The following COX18 variants were observed in gnomAD, a reference collection of about 807,000 sequenced individuals.
The protein encoded by COX18 is cytochrome c oxidase assembly factor COX18, also known as cytochrome c oxidase assembly protein COX18, mitochondrial.
In COX18, 45 loss-of-function variants were observed where a neutral mutation model predicts 38.0. The observed-to-expected ratio is 1.18, with a 90% CI of 0.93 to 1.52. The LOEUF is 1.52. Among genes scored for constraint, COX18 ranks in the 40% most tolerant of loss-of-function variants. The probability of loss-of-function intolerance (pLI) is 0.00; values close to 1 mark genes in which losing one functional copy is unlikely to be tolerated. For synonymous variants in COX18, 177 were observed against 169.8 expected (o/e 1.04, Z -0.33); for missense variants, 462 against 423.8 (o/e 1.09, Z -0.79).
At chr4:73,064,120 A>G (rs1399801939) in intron 4 of COX18, among the ~76,000 whole-genome samples, 1 of 152,122 alleles carries the variant, frequency 6.6e-6, no homozygotes, top group Non-Finnish European at 1.5e-5. Flanking sequence ...CCCTGTCTCT[A>G]CTAAAAATAC....
In COX18 at chr4:73,056,069, G is replaced by T. The variant is rs955800255; in HGVS notation, c.*2045C>A. 9 of 152,028 alleles carry T rather than the reference G, an allele frequency of 5.9e-5. No individual in the cohort carries two copies. Among genetic ancestry groups the T allele is most frequent in the African/African-American group, 2.2e-4 (9 of 41,396 alleles). 9.4% of individuals were successfully genotyped at this position (152,028 alleles called of 1,614,324 possible). A position where few individuals can be genotyped will look rare whatever the true frequency, so the allele number is the denominator to read the frequency against. ...TAAAATTTAAGAGACATCAATCAAA[G>T]AAATGACTAATGAATTTCACTTTAG... On this transcript the variant is annotated 3_prime_UTR_variant, in exon 6 of 6. Transcript: ENST00000507544.
rs1719879744 is a variant in COX18 at position 73,056,147 on chromosome 4, A to C, written c.*1967T>G. ...TGGAATGATAGGGTTTCCCAGAATC[A>C]GGTCCATATTTTAACTAAATGAAAA... On this transcript the variant is annotated 3_prime_UTR_variant, in exon 6 of 6. Transcript: ENST00000507544. 6.6e-6 allele frequency: 1 copy of C among 152,214 alleles called. No individual in the cohort carries two copies. Among genetic ancestry groups the C allele is most frequent in the South Asian group, 2.1e-4 (1 of 4,820 alleles). The allele number at this position is 152,214 out of a possible 1,614,324, so 9.4% of individuals were successfully genotyped here. A position where few individuals can be genotyped will look rare whatever the true frequency, so the allele number is the denominator to read the frequency against.
At chr4:73,063,364 T>C (rs1037003130) in intron 4 of COX18, among the ~76,000 whole-genome samples, 4 of 152,282 alleles carry the variant, frequency 2.6e-5, no homozygotes, top group African/African-American at 4.8e-5. Flanking sequence ...ATAGTGTATG[T>C]TGAGTAAGAA....
intron 2 of COX18, among the ~76,000 whole-genome samples, 165 bp downstream of exon 2, chr4:73,067,864 A>AAATATATATATATAT: frequency 1.0e-4 from 2 of 20,010 alleles, no homozygotes; most frequent in Non-Finnish European, 3.1e-4. Context: ...AAAAAAAAAA[A>AAATATATATATATAT]ATATATATAT....
At chr4:73,061,015 A>C (rs951395362) in intron 5 of COX18, among the ~76,000 whole-genome samples, 1 of 152,214 alleles carries the variant, frequency 6.6e-6, no homozygotes, top group African/African-American at 2.4e-5. Context: ...TTGCCTCCTT[A>C]GAAACTTCTA....
At chr4:73,067,641 G>C (rs1720513686) in intron 2 of COX18, among the ~76,000 whole-genome samples, 1 of 151,062 alleles carries the variant, frequency 6.6e-6, no homozygotes, top group African/African-American at 2.4e-5. Flanking sequence ...CAGGATTCCA[G>C]ACCAGCCTGA....
chr4:73,058,566 T>C (rs1720005254), intron 5 of COX18, among the ~76,000 whole-genome samples: 1 of 152,206 alleles, frequency 6.6e-6, no homozygotes, highest in South Asian at 2.1e-4. Flanking sequence ...CTTATCTCCC[T>C]TCTTCGACAA....
rs1346973771 is a variant in COX18 at position 73,054,095 on chromosome 4, G to A, written c.*4019C>T. 2 of 151,980 alleles carry A rather than the reference G, an allele frequency of 1.3e-5. No individual in the cohort carries two copies. Among genetic ancestry groups the A allele is most frequent in the Non-Finnish European group, 2.9e-5 (2 of 68,010 alleles). 9.4% of individuals were successfully genotyped at this position (151,980 alleles called of 1,614,324 possible). ...AGAAGGGTGGGTAACACCCCTGTGG[G>A]GAAGGGTAACACAAACATTACAGTC... On this transcript the variant is annotated 3_prime_UTR_variant, in exon 6 of 6. Transcript: ENST00000507544.
At chr4:73,061,215 T>G (rs1720137332) in intron 5 of COX18, among the ~76,000 whole-genome samples, 1 of 152,208 alleles carries the variant, frequency 6.6e-6, no homozygotes, top group Admixed American at 6.5e-5. Flanking sequence ...TCTTTTTAAG[T>G]GCTAAATTCT....
Position 73,069,344 on chromosome 4 carries a change from T to A in COX18, c.306A>T (p.Ala102=). Residue 102 remains alanine (A), a synonymous_variant, in exon 1 of 6, where the codon GCA becomes GCT. Transcript: ENST00000507544. ...TGGCCAGGATGTAGTGCTGGTAGGCTGCCAAAGGCAGCGTGACAGCACCCC... is the reference window on the plus strand; with the variant it reads ...TGGCCAGGATGTAGTGCTGGTAGGCAGCCAAAGGCAGCGTGACAGCACCCC... The part of the protein sequence containing the change: ...ALRGAVTLPL[A]AYQHYILAKV... 6.5e-7 allele frequency: 1 copy of A among 1,548,678 alleles called. No homozygotes were observed. Among genetic ancestry groups the A allele is most frequent in the Non-Finnish European group, 8.7e-7 (1 of 1,146,506 alleles).
rs1184670337 is a variant in COX18, at chr4:73,055,307, T to C, written c.*2807A>G. On this transcript the variant is annotated 3_prime_UTR_variant, in exon 6 of 6. Transcript: ENST00000507544. ...TATAGTCAATTTGCATTATTTGTGG[T>C]ACTTATGTTCCATAAAGTCCACAAA... 1 of 152,254 alleles carries C rather than the reference T, an allele frequency of 6.6e-6. No homozygotes were observed. The highest frequency in any genetic ancestry group is 2.4e-5 in the African/African-American group (1 of 41,470). 9.4% of individuals were successfully genotyped at this position (152,254 alleles called of 1,614,324 possible).
chr4:73,064,805 A>G lies in COX18; in HGVS notation c.696T>C (p.Val232=). 1 of 1,613,952 alleles carries G rather than the reference A, an allele frequency of 6.2e-7. No homozygotes were observed. Among genetic ancestry groups the G allele is most frequent in the Non-Finnish European group, 8.5e-7 (1 of 1,179,858 alleles). The part of the protein sequence containing the change: ...PDSTWILPIS[V]GVINLLIVEI... ...CCACTATTAACAAATTGATGACGCC[A>G]ACAGAGATAGGCAGAATCCAAGTGG... The change falls in exon 4 of 6, where the codon GTT becomes GTC. Residue 232 remains valine (V), a synonymous_variant. Transcript: ENST00000507544.
At chr4:73,060,299 G>A (rs911208452) in intron 5 of COX18, among the ~76,000 whole-genome samples, 3 of 152,074 alleles carry the variant, frequency 2.0e-5, no homozygotes, top group Admixed American at 1.3e-4. Flanking sequence ...TTAACTGCTC[G>A]TATTTTATTT....
intron 5 of COX18, among the ~76,000 whole-genome samples, chr4:73,061,313 C>T (rs1720141440): frequency 3.9e-5 from 6 of 152,004 alleles, no homozygotes; most frequent in South Asian, 4.1e-4. Context: ...ATGCAAAACA[C>T]GTTGCAAAAT....
Position 73,065,361 on chromosome 4 carries a change from C to T in COX18, c.487G>A (p.Asp163Asn). The change falls in exon 3 of 6, where the codon GAT becomes AAT. Residue 163 changes from aspartate (D) to asparagine (N), a missense_variant. By Grantham distance (23) the Asp-to-Asn change is conservative. Coordinates refer to ENST00000507544, the MANE Select transcript of COX18 (RefSeq NM_001297732.2). ...GTGGCTTTGAAAGGGTGGCAGTTATCTCGCACATATAGCTCTGAAATTAGC... is the reference window on the plus strand; with the variant it reads ...GTGGCTTTGAAAGGGTGGCAGTTATTTCGCACATATAGCTCTGAAATTAGC... ...RRLISELYVR[D>N]NCHPFKATVL... 1.2e-6 allele frequency: 2 copies of T among 1,613,802 alleles called. No homozygotes were observed. The highest frequency in any genetic ancestry group is 1.7e-6 in the Non-Finnish European group (2 of 1,179,856).
rs774763408 is a variant in COX18 at position 73,069,398 on chromosome 4, G to A, written c.252C>T (p.Gly84=). ...AGGCCACGGTGGAGAGCAGAATGCT[G>A]CCCCACCAGGGCAGGCCCGTGGCGG... The part of the protein sequence containing the change: ...VHAATGLPWW[G]SILLSTVALR... The change falls in exon 1 of 6, where the codon GGC becomes GGT. Residue 84 remains glycine, a synonymous_variant. Coordinates refer to ENST00000507544, the MANE Select transcript of COX18 (RefSeq NM_001297732.2). The A allele has an allele frequency of 4.5e-5, 71 of 1,566,184 alleles. No homozygotes were observed. Among genetic ancestry groups the A allele is most frequent in the Admixed American group, 2.1e-4 (11 of 53,164 alleles).
intron 5 of COX18, among the ~76,000 whole-genome samples, chr4:73,058,991 G>C (rs773791551): frequency 6.6e-6 from 1 of 152,102 alleles, no homozygotes; most frequent in Non-Finnish European, 1.5e-5. Flanking sequence ...AATAGGGTTC[G>C]TGCTATGAGA....
chr4:73,067,972 G>C (rs567465432), intron 2 of COX18, 57 bp downstream of exon 2: 2 of 941,488 alleles, frequency 2.1e-6, no homozygotes, highest in Non-Finnish European at 3.5e-6. Flanking sequence ...GTGTGTGTGT[G>C]TGTGTGTGTG....
chr4:73,066,053 T>A (rs1003518238), intron 2 of COX18, among the ~76,000 whole-genome samples: 2 of 152,228 alleles, frequency 1.3e-5, no homozygotes, highest in African/African-American at 4.8e-5. Flanking sequence ...GTGTTCTATT[T>A]TATTCATCTT....
Sources: gnomAD v4.1 joint callset for allele counts (sites outside exome capture counted in the v4.1 genomes callset) on GRCh38, gnomAD v4.1.1 for gene constraint, MANE v1.5 for transcripts, NCBI Gene and HGNC (gene_info 2026-07-23, HGNC 2026-07-21) for gene names.